The following LRP12 variants were observed in gnomAD, a reference collection of about 807,000 sequenced individuals.
LRP12 encodes LDL receptor related protein 12.
A neutral mutation model predicts 66.0 loss-of-function variants in LRP12; 14 were observed. The observed-to-expected ratio is 0.21, with a 90% CI of 0.14 to 0.33. The LOEUF is 0.33. Ranked by LOEUF, LRP12 falls within the 10% of genes least tolerant of loss-of-function variation. The pLI, the probability that LRP12 is intolerant of heterozygous loss-of-function variation, is 1.00. For missense variants in LRP12, 889 were observed against 1,053.4 expected (o/e 0.84, Z 2.16); for synonymous variants, 357 against 359.1 (o/e 0.99, Z 0.07).
rs370359836 is a variant in LRP12, at chr8:104,499,418, G to T, written c.374C>A (p.Thr125Lys). Residue 125 changes from threonine (T) to lysine (K), a missense_variant, in exon 4 of 7, where the codon ACA (threonine) becomes AAA (lysine). Thr to Lys is a moderately conservative substitution (Grantham distance 78). Coordinates refer to ENST00000276654, the MANE Select transcript of LRP12 (RefSeq NM_013437.5). ...TGAAGAGATATACGGAGGTGGAATT[G>T]TGGAACCACAAGCTCTGTAACTTTC... Reference protein sequence around the residue: ...NIESYRACGSTIPPPYISSQD... With the variant: ...NIESYRACGSKIPPPYISSQD... 29 of 1,613,568 alleles carry T rather than the reference G, an allele frequency of 1.8e-5. No homozygotes were observed. Among genetic ancestry groups the T allele is most frequent in the Non-Finnish European group, 2.4e-5 (28 of 1,179,562 alleles).
intron 1 of LRP12, among the ~76,000 whole-genome samples, chr8:104,566,632 A>T (rs1812008463): frequency 6.6e-6 from 1 of 152,242 alleles, no homozygotes; most frequent in Non-Finnish European, 1.5e-5. Flanking sequence ...AAATTATTTC[A>T]AAGATGTTAT....
chr8:104,508,817 G>T, intron 3 of LRP12, 122 bp downstream of exon 3: 2 of 844,706 alleles, frequency 2.4e-6, no homozygotes, highest in Non-Finnish European at 3.6e-6. Flanking sequence ...GCTAATAGCT[G>T]TTCTTTATTA....
chr8:104,549,817 G>A (rs1349528324), intron 1 of LRP12, among the ~76,000 whole-genome samples: 1 of 152,108 alleles, frequency 6.6e-6, no homozygotes, highest in Non-Finnish European at 1.5e-5. Flanking sequence ...TTAAATAATT[G>A]ACTCAGCTCT....
intron 1 of LRP12, among the ~76,000 whole-genome samples, chr8:104,548,250 T>A (rs1418231194): frequency 1.1e-5 from 1 of 93,506 alleles, no homozygotes; most frequent in Non-Finnish European, 1.7e-5. Flanking sequence ...ATACGATATA[T>A]ATTATATTAA....
chr8:104,503,304 G>A (rs553880857), intron 3 of LRP12, among the ~76,000 whole-genome samples: 1 of 130,812 alleles, frequency 7.6e-6, no homozygotes, highest in South Asian at 2.5e-4. Flanking sequence ...TCCAGCCTGG[G>A]TGACAAAGCG....
chr8:104,565,012 T>C (rs752366396), intron 1 of LRP12, among the ~76,000 whole-genome samples: 5 of 151,870 alleles, frequency 3.3e-5, no homozygotes, highest in African/African-American at 4.8e-5. Context: ...CTTTAAATTA[T>C]AGAATAAAAA....
At chr8:104,576,138 C>T (rs1812161365) in intron 1 of LRP12, among the ~76,000 whole-genome samples, 1 of 152,154 alleles carries the variant, frequency 6.6e-6, no homozygotes, top group Non-Finnish European at 1.5e-5. Flanking sequence ...ATCAAATCCA[C>T]AACTCATTGG....
At chr8:104,524,581 A>AT (rs1036040528) in intron 2 of LRP12, among the ~76,000 whole-genome samples, 3 of 152,216 alleles carry the variant, frequency 2.0e-5, no homozygotes, top group African/African-American at 7.2e-5. Context: ...TAAGGGAAAA[A>AT]TGTACATAGT....
At chr8:104,569,947 T>C (rs1243279081) in intron 1 of LRP12, among the ~76,000 whole-genome samples, 2 of 152,122 alleles carry the variant, frequency 1.3e-5, no homozygotes, top group African/African-American at 4.8e-5. Context: ...AACTAATAAG[T>C]GAGTTTAGAC....
intron 3 of LRP12, chr8:104,508,737 C>A: frequency 2.1e-6 from 1 of 469,724 alleles, no homozygotes; most frequent in Non-Finnish European, 3.7e-6. Flanking sequence ...AAATACATTA[C>A]CACCCTTAGA....
intron 1 of LRP12, among the ~76,000 whole-genome samples, chr8:104,559,744 A>G (rs1355389020): frequency 3.9e-5 from 6 of 152,168 alleles, no homozygotes; most frequent in Admixed American, 3.3e-4. Context: ...TTTTCTTCAC[A>G]TAAGTTCTGC....
In LRP12 at chr8:104,588,972, G is replaced by T. The variant is rs1193308478; in HGVS notation, c.-75C>A. Reference sequence around the variant, plus strand: ...GAAGCTGGAGGTAGACGACGCCGACGCCGCCGCCGCCGCCGCCGCCGCCGC... The same window carrying T: ...GAAGCTGGAGGTAGACGACGCCGACTCCGCCGCCGCCGCCGCCGCCGCCGC... On this transcript the variant is annotated 5_prime_UTR_variant, in exon 1 of 7. Coordinates refer to ENST00000276654, the MANE Select transcript of LRP12 (RefSeq NM_013437.5). The T allele has an allele frequency of 3.4e-6, 2 of 580,774 alleles. No individual in the cohort carries two copies. Among genetic ancestry groups the T allele is most frequent in the Admixed American group, 3.7e-5 (1 of 27,274 alleles). The allele number at this position is 580,774 out of a possible 1,614,324, so 36.0% of individuals were successfully genotyped here.
intron 1 of LRP12, among the ~76,000 whole-genome samples, chr8:104,550,129 C>G (rs376221348): frequency 6.6e-6 from 1 of 152,140 alleles, no homozygotes; most frequent in Non-Finnish European, 1.5e-5. Context: ...TCACTGTAGT[C>G]GGTACTTTTC....
At chr8:104,541,148 A>G (rs937403701) in intron 1 of LRP12, among the ~76,000 whole-genome samples, 2 of 152,348 alleles carry the variant, frequency 1.3e-5, no homozygotes, top group South Asian at 2.1e-4. Context: ...GGATATAATG[A>G]CAACGAACTA....
intron 1 of LRP12, among the ~76,000 whole-genome samples, chr8:104,539,782 A>AT (rs1268602416): frequency 6.6e-6 from 1 of 152,114 alleles, no homozygotes; most frequent in Non-Finnish European, 1.5e-5. Flanking sequence ...ATGTGAGAAG[A>AT]TAAAAAAAAA....
chr8:104,518,280 C>G (rs1401379023), intron 2 of LRP12, among the ~76,000 whole-genome samples: 2 of 151,914 alleles, frequency 1.3e-5, no homozygotes, highest in East Asian at 1.9e-4. Context: ...TACCTTAATA[C>G]TTATTATTAT....
intron 2 of LRP12, among the ~76,000 whole-genome samples, chr8:104,521,368 T>C (rs1811148984): frequency 6.6e-6 from 1 of 151,290 alleles, no homozygotes; most frequent in Admixed American, 6.6e-5. Context: ...TACATAATTG[T>C]TCAATAAATA....
In LRP12 at chr8:104,533,184, T is replaced by C. The variant is rs1811350395; in HGVS notation, c.80-1221A>G. 2.0e-5 allele frequency among the ~76,000 whole-genome samples: 3 copies of C among 152,262 alleles called. No individual in the cohort carries two copies. The South Asian group carries it at 6.2e-4, about 32-fold the overall frequency. ...TTAAGTATACAAATAAATGATTATA[T>C]TCATTTTAAGTACTCTGCACTGATG... is the stretch of plus-strand genomic sequence containing the variant. On this transcript the variant is annotated intron_variant, in intron 1 of 6. Transcript: ENST00000276654.
intron 1 of LRP12, among the ~76,000 whole-genome samples, chr8:104,547,315 TTC>T (rs1430762578): frequency 5.8e-5 from 8 of 138,888 alleles, no homozygotes; most frequent in African/African-American, 1.6e-4. Context: ...TAATATACAA[TTC>T]TGTTATATTT....
Sources: allele counts gnomAD v4.1 joint callset (sites outside exome capture counted in the v4.1 genomes callset), GRCh38; gene constraint gnomAD v4.1.1; transcripts MANE v1.5; gene names NCBI Gene and HGNC (gene_info 2026-07-23, HGNC 2026-07-21).